CEP112: variants seen among roughly 807,000 people sequenced by gnomAD.
The protein encoded by CEP112 is centrosomal protein 112, also known as centrosomal protein of 112 kDa.
Under a neutral mutation model 153.0 loss-of-function variants are expected in CEP112, and 127 were observed. That is an observed-to-expected ratio of 0.83 (90% CI 0.72 to 0.96). The LOEUF (loss-of-function observed/expected upper bound fraction) is 0.96, where lower values mean the gene tolerates loss of function less well. Ranked by LOEUF, CEP112 falls within the 40% of genes least tolerant of loss-of-function variation. The pLI is 0.00. For missense variants in CEP112, 1,089 were observed against 1,101.2 expected, an observed-to-expected ratio of 0.99 and a Z score of 0.16; for synonymous variants, 358 against 374.4, an observed-to-expected ratio of 0.96 and a Z score of 0.51.
At chr17:66,129,695 A>T (rs970690855) in intron 6 of CEP112, 51 bp downstream of exon 6, 7 of 1,238,512 alleles carry the variant, frequency 5.7e-6, no homozygotes, top group Non-Finnish European at 8.2e-6. Flanking sequence ...ATACACATAC[A>T]ATATGATTTT....
intron 23 of CEP112, among the ~76,000 whole-genome samples, chr17:65,709,034 T>C (rs1013184699): frequency 6.6e-6 from 1 of 152,146 alleles, no homozygotes; most frequent in Non-Finnish European, 1.5e-5. Flanking sequence ...TTCAGCTCTT[T>C]GTTGCAGGTC....
At chr17:65,965,518 C>CCCCT (rs1555734627) in intron 17 of CEP112, among the ~76,000 whole-genome samples, 1 of 122,090 alleles carries the variant, frequency 8.2e-6, no homozygotes, top group African/African-American at 3.3e-5. Context: ...CTTCTGCCCC[C>CCCCT]TTTTTTTTTT....
chr17:65,938,050 A>C (rs1467098125), intron 18 of CEP112, among the ~76,000 whole-genome samples: 1 of 116,454 alleles, frequency 8.6e-6, no homozygotes, highest in South Asian at 4.3e-4. Flanking sequence ...GACATGGGAG[A>C]CTTTTCATTT....
rs2073169730 is a variant in CEP112 at position 66,191,661 on chromosome 17, T to C, written c.-9+336A>G. On this transcript the variant is annotated intron_variant, in intron 1 of 26. Transcript: ENST00000535342. The surrounding 1 kb of genome is among the most constrained non-coding windows in gnomAD (Gnocchi z 4.2). ...CCAGGCCCAGGCCGCGCTCCTACCT[T>C]GTCCAGGACACAGATTTCCTCTCCC... The C allele has an allele frequency of 6.5e-6, 1 of 153,072 alleles. No individual in the cohort carries two copies. Among genetic ancestry groups the C allele is most frequent in the South Asian group, 2.1e-4 (1 of 4,844 alleles). 9.5% of individuals were successfully genotyped at this position (153,072 alleles called of 1,614,324 possible). A position where few individuals can be genotyped will look rare whatever the true frequency, so the allele number is the denominator to read the frequency against.
chr17:65,714,098 C>T (rs182673197), intron 23 of CEP112, among the ~76,000 whole-genome samples: 1 of 152,216 alleles, frequency 6.6e-6, no homozygotes, highest in East Asian at 1.9e-4. Context: ...CTCTACCTTC[C>T]CCTCTTCAAA....
rs142879994 is a variant in CEP112 at position 65,712,904 on chromosome 17, T to G, written c.2608-23686A>C. 4.6e-3 allele frequency among the ~76,000 whole-genome samples: 695 copies of G among 152,172 alleles called. 4 individuals are homozygous for G. Among genetic ancestry groups the G allele is most frequent in the Non-Finnish European group, 8.2e-3 (554 of 67,948 alleles). ...AGAACTATAATGAGGCTTGCATTCATGCCAAAAATCACCTTCGCCAAGCAA... is the reference window on the plus strand; with the variant it reads ...AGAACTATAATGAGGCTTGCATTCAGGCCAAAAATCACCTTCGCCAAGCAA... On this transcript the variant is annotated intron_variant, in intron 23 of 26. Transcript: ENST00000535342.
At chr17:66,091,046 T>A (rs1477308320) in intron 8 of CEP112, among the ~76,000 whole-genome samples, 1 of 151,918 alleles carries the variant, frequency 6.6e-6, no homozygotes, top group Non-Finnish European at 1.5e-5. Flanking sequence ...CAAATATTCA[T>A]AGATATAAAA....
chr17:66,135,228 T>C (rs2070383156), intron 4 of CEP112, among the ~76,000 whole-genome samples: 1 of 152,122 alleles, frequency 6.6e-6, no homozygotes. Context: ...TTGAGCCAAC[T>C]GAAGGAGAAG....
At chr17:65,852,141 G>C in intron 20 of CEP112, 107 bp from the exon 21 acceptor site, 1 of 696,432 alleles carries the variant, frequency 1.4e-6, no homozygotes. Context: ...ATATGGAATA[G>C]AAAGCTTAGA....
Position 65,966,501 on chromosome 17 carries a change from C to T in CEP112, c.1737-4903G>A, listed in dbSNP as rs187409931. Reference sequence around the variant, plus strand: ...TCATTTCCTGCCAGCTTGGCATCTCCCCTGGAAACTCCAAGAAAAACAACA... The same window carrying T: ...TCATTTCCTGCCAGCTTGGCATCTCTCCTGGAAACTCCAAGAAAAACAACA... On this transcript the variant is annotated intron_variant, in intron 17 of 26. Coordinates refer to ENST00000535342, the MANE Select transcript of CEP112 (RefSeq NM_001199165.4). Among the ~76,000 whole-genome samples the T allele has an allele frequency of 4.0e-3, 610 of 152,258 alleles. 3 individuals carry two copies. Among genetic ancestry groups the T allele is most frequent in the Middle Eastern group, 0.02 (6 of 294 alleles).
At chr17:65,686,044 G>A (rs1010153989) in intron 24 of CEP112, among the ~76,000 whole-genome samples, 1 of 147,706 alleles carries the variant, frequency 6.8e-6, no homozygotes, top group Admixed American at 6.7e-5. Context: ...AAAAGATTAA[G>A]TTAAATATGG....
chr17:65,973,013 G>A (rs1327805403), intron 17 of CEP112, among the ~76,000 whole-genome samples: 3 of 152,184 alleles, frequency 2.0e-5, no homozygotes, highest in Non-Finnish European at 2.9e-5. Context: ...TGATCTGCCC[G>A]CCTTGGCCTC....
At chr17:66,013,890 GT>G (rs1282639001) in intron 16 of CEP112, among the ~76,000 whole-genome samples, 2 of 151,970 alleles carry the variant, frequency 1.3e-5, no homozygotes, top group African/African-American at 4.8e-5. Flanking sequence ...TGGCATAGCA[GT>G]GGATTTCTGG....
intron 17 of CEP112, among the ~76,000 whole-genome samples, chr17:65,998,337 C>G (rs1256336605): frequency 1.5e-5 from 2 of 133,892 alleles, no homozygotes; most frequent in Non-Finnish European, 3.1e-5. Flanking sequence ...GAGCCGAGAT[C>G]AGCCCACTGC....
At chr17:65,777,186 C>G (rs1015790157) in intron 21 of CEP112, among the ~76,000 whole-genome samples, 1 of 152,170 alleles carries the variant, frequency 6.6e-6, no homozygotes, top group African/African-American at 2.4e-5. Flanking sequence ...TCTTCTCTGT[C>G]CACTTCCCAC....
At chr17:66,138,678 T>C (rs1048407244) in intron 4 of CEP112, among the ~76,000 whole-genome samples, 1 of 152,060 alleles carries the variant, frequency 6.6e-6, no homozygotes, top group Non-Finnish European at 1.5e-5. Flanking sequence ...GTAACACAAA[T>C]TCTTTAAATA....
At chr17:66,053,687 A>C (rs1254134852) in intron 12 of CEP112, 49 bp downstream of exon 12, 1 of 1,569,554 alleles carries the variant, frequency 6.4e-7, no homozygotes, top group Non-Finnish European at 8.7e-7. Context: ...AGGACATGGA[A>C]ATTGAGAAGA....
intron 22 of CEP112, among the ~76,000 whole-genome samples, chr17:65,750,258 C>G (rs978281742): frequency 1.3e-5 from 2 of 152,146 alleles, no homozygotes; most frequent in African/African-American, 4.8e-5. Flanking sequence ...TTTGAAGAAG[C>G]CTTTGGTAGA....
chr17:65,902,316 C>G lies in CEP112; in HGVS notation c.1999G>C (p.Glu667Gln), dbSNP rs2059899792. 3 of 1,612,818 alleles carry G rather than the reference C, an allele frequency of 1.9e-6. No individual in the cohort carries two copies. Among genetic ancestry groups the G allele is most frequent in the Admixed American group, 1.7e-5 (1 of 59,830 alleles). Residue 667 changes from glutamate to glutamine, a missense_variant, in exon 20 of 27, where the codon GAG (glutamate) becomes CAG (glutamine). Glu to Gln is a conservative substitution (Grantham distance 29). Transcript: ENST00000535342. ...AGGTGCGTCTTCTCCTGTTCATGCT[C>G]CAGCTTCAGCTCTACTATCTGATTG... ...YEQQIVELKL[E>Q]HEQEKTHLLQ...
Sources: allele counts gnomAD v4.1 joint callset (sites outside exome capture counted in the v4.1 genomes callset), GRCh38; gene constraint gnomAD v4.1.1; non-coding constraint Gnocchi (gnomAD v3.1); transcripts MANE v1.5; gene names NCBI Gene and HGNC (gene_info 2026-07-23, HGNC 2026-07-21).